Variants in TARS3 observed in about 807,000 individuals in gnomAD.
TARS3 encodes threonine--tRNA ligase 2, cytoplasmic.
TARS3 carries 94 observed loss-of-function variants against 103.5 expected under a neutral mutation model. That is an observed-to-expected ratio of 0.91 (90% confidence interval 0.77 to 1.08). TARS3 has a LOEUF of 1.08. TARS3 is among the 50% of genes least tolerant of loss of function. TARS3 has a pLI of 0.00. For missense variants in TARS3, 952 were observed against 995.2 expected (o/e 0.96, Z 0.58); for synonymous variants, 416 against 355.4 (o/e 1.17, Z -1.92).
At chr15:101,670,274 C>T (rs1390193597) in intron 15 of TARS3, among the ~76,000 whole-genome samples, 1 of 152,036 alleles carries the variant, frequency 6.6e-6, no homozygotes, top group East Asian at 1.9e-4. Context: ...ATATATTCCT[C>T]CAAGGGCTAG....
chr15:101,664,921 G>A (rs755667578), intron 15 of TARS3, among the ~76,000 whole-genome samples: 3 of 146,806 alleles, frequency 2.0e-5, no homozygotes, highest in Admixed American at 6.8e-5. Flanking sequence ...CACAAAACAC[G>A]AACAACAGAG....
At chr15:101,666,336 CAT>C (rs1274681741) in intron 15 of TARS3, among the ~76,000 whole-genome samples, 1 of 151,830 alleles carries the variant, frequency 6.6e-6, no homozygotes, top group Non-Finnish European at 1.5e-5. Flanking sequence ...TTTAGCCAGG[CAT>C]GGTGGTGCAT....
At chr15:101,691,486 G>A (rs1335941645) in intron 10 of TARS3, among the ~76,000 whole-genome samples, 1 of 149,734 alleles carries the variant, frequency 6.7e-6, no homozygotes. Context: ...CACCATGTTG[G>A]CCAGGCTGGT....
intron 16 of TARS3, among the ~76,000 whole-genome samples, chr15:101,658,183 C>G (rs1897252258): frequency 6.6e-6 from 1 of 152,144 alleles, no homozygotes; most frequent in African/African-American, 2.4e-5. Flanking sequence ...CACAATACTG[C>G]TCACTAACGT....
In TARS3 at chr15:101,705,743, T is replaced by G. The variant is rs745803256; in HGVS notation, c.935A>C (p.Asn312Thr). ...ATTCAGAATGCGGCATTTAAATTTA[T>G]TGTACTACGAAGAAAAACATATTTA... ...KEILLEMFKY[N>T]KFKCRILNEK... Residue 312 changes from asparagine (N) to threonine (T), a missense_variant, in exon 7 of 19, where the codon AAT becomes ACT. By Grantham distance (65) the Asn-to-Thr change is moderately conservative. This residue lies in a region of TARS3 where 540 missense variants were observed against 631.0 expected (regional missense o/e 0.86). Coordinates refer to ENST00000335968, the MANE Select transcript of TARS3 (RefSeq NM_152334.3). 1 of 1,605,548 alleles carries G rather than the reference T, an allele frequency of 6.2e-7. No individual in the cohort carries two copies. Among genetic ancestry groups the G allele is most frequent in the Admixed American group, 1.7e-5 (1 of 59,448 alleles).
At chr15:101,675,828 G>A (rs1567330815) in intron 12 of TARS3, 91 bp from the exon 13 acceptor site, 3 of 1,401,446 alleles carry the variant, frequency 2.1e-6, no homozygotes, top group East Asian at 4.8e-5. Context: ...CAGAAATAAA[G>A]CATGTTTTTA....
chr15:101,703,364 C>T lies in TARS3; in HGVS notation c.1074+495G>A, dbSNP rs375310555. Reference sequence around the variant, plus strand: ...CAGCACTTCGGGAGGCTGAGGCAGGCGGATCACCTGAGGTTAGGAGTTCGA... The same window carrying T: ...CAGCACTTCGGGAGGCTGAGGCAGGTGGATCACCTGAGGTTAGGAGTTCGA... On this transcript the variant is annotated intron_variant, in intron 8 of 18. Coordinates refer to ENST00000335968, the MANE Select transcript of TARS3 (RefSeq NM_152334.3). Among the ~76,000 whole-genome samples the T allele has an allele frequency of 1.9e-3, 292 of 152,174 alleles. 3 individuals carry two copies. Among genetic ancestry groups the T allele is most frequent in the African/African-American group, 6.6e-3 (275 of 41,522 alleles).
At chr15:101,692,187 C>T (rs1160136263) in intron 10 of TARS3, among the ~76,000 whole-genome samples, 1 of 152,208 alleles carries the variant, frequency 6.6e-6, no homozygotes, top group Non-Finnish European at 1.5e-5. Context: ...ATTTCTTTCC[C>T]TGGTTCTCCC....
intron 7 of TARS3, among the ~76,000 whole-genome samples, chr15:101,704,900 A>T (rs1012379762): frequency 2.0e-5 from 3 of 152,134 alleles, no homozygotes; most frequent in Admixed American, 6.6e-5. Context: ...CACAAAGGGG[A>T]TATGATTTTA....
chr15:101,706,525 G>C (rs1252186952), intron 6 of TARS3, among the ~76,000 whole-genome samples: 1 of 152,062 alleles, frequency 6.6e-6, no homozygotes, highest in Non-Finnish European at 1.5e-5. Context: ...TCAGACTAGT[G>C]GATTCCATTA....
At chr15:101,677,131 G>A (rs998970862) in intron 12 of TARS3, among the ~76,000 whole-genome samples, 4 of 152,238 alleles carry the variant, frequency 2.6e-5, no homozygotes, top group African/African-American at 9.6e-5. Context: ...GTGTTAACTC[G>A]ACTGAGCTAA....
chr15:101,701,563 G>A (rs541287221), intron 9 of TARS3, among the ~76,000 whole-genome samples: 23 of 152,258 alleles, frequency 1.5e-4, no homozygotes, highest in African/African-American at 5.3e-4. Flanking sequence ...ACCAGGCACC[G>A]TCACCCAGTT....
intron 13 of TARS3, 47 bp downstream of exon 13, chr15:101,675,553 C>T: frequency 6.3e-7 from 1 of 1,583,494 alleles, no homozygotes. Context: ...TCTCAGGTGT[C>T]TTCCATACGA....
chr15:101,697,263 A>G (rs754857921), intron 10 of TARS3, among the ~76,000 whole-genome samples: 1 of 152,214 alleles, frequency 6.6e-6, no homozygotes, highest in Non-Finnish European at 1.5e-5. Flanking sequence ...TTCAGTTGAC[A>G]TAACAATAAC....
chr15:101,655,875 C>A (rs1897182805), intron 18 of TARS3: 6 of 1,285,628 alleles, frequency 4.7e-6, no homozygotes, highest in African/African-American at 1.5e-5. Flanking sequence ...ACCTGATGAG[C>A]CAAGGAGTGG....
intron 7 of TARS3, among the ~76,000 whole-genome samples, chr15:101,704,630 G>A (rs540560672): frequency 4.0e-5 from 6 of 149,402 alleles, no homozygotes; most frequent in South Asian, 2.1e-4. Context: ...ACTCCAGCCC[G>A]GGCAACAGTG....
chr15:101,654,475 T>C lies in TARS3; in HGVS notation c.*107A>G, dbSNP rs1385535583. 5 of 1,198,480 alleles carry C rather than the reference T, an allele frequency of 4.2e-6. No homozygotes were observed. In the East Asian group the frequency reaches 1.2e-4, roughly 30 times the overall value. 74.2% of individuals were successfully genotyped at this position (1,198,480 alleles called of 1,614,324 possible). A position where few individuals can be genotyped will look rare whatever the true frequency, so the allele number is the denominator to read the frequency against. ...CTCCTTTCTCAGCTGAGGCCATGAG[T>C]GGACCCATCAGTGGCTCCAAAGTCG... On this transcript the variant is annotated 3_prime_UTR_variant, in exon 19 of 19. Coordinates refer to ENST00000335968, the MANE Select transcript of TARS3 (RefSeq NM_152334.3).
chr15:101,700,652 T>A (rs1899221520), intron 10 of TARS3, among the ~76,000 whole-genome samples: 1 of 152,078 alleles, frequency 6.6e-6, no homozygotes, highest in African/African-American at 2.4e-5. Context: ...ACTTTTTTTT[T>A]TTTTTTCTTT....
intron 16 of TARS3, among the ~76,000 whole-genome samples, chr15:101,658,502 CAGAT>C (rs1191272237): frequency 6.6e-6 from 1 of 151,706 alleles, no homozygotes; most frequent in African/African-American, 2.4e-5. Flanking sequence ...TCATGGCTGT[CAGAT>C]AGGAGGACAG....
Sources: allele counts gnomAD v4.1 joint callset (sites outside exome capture counted in the v4.1 genomes callset), GRCh38; gene constraint gnomAD v4.1.1; regional missense constraint gnomAD v4.1.1; transcripts MANE v1.5; gene names NCBI Gene and HGNC (gene_info 2026-07-23, HGNC 2026-07-21).